Variants in PPP2R2C observed in about 807,000 individuals in gnomAD.
PPP2R2C encodes protein phosphatase 2, regulatory subunit B, gamma.
A neutral mutation model predicts 45.3 loss-of-function variants in PPP2R2C; 10 were observed. The ratio of observed to expected loss-of-function variants is 0.22; its 90% confidence interval spans 0.14 to 0.37. PPP2R2C has a LOEUF of 0.37. Ranked by LOEUF, PPP2R2C falls within the 10% of genes least tolerant of loss-of-function variation. The pLI, the probability that PPP2R2C is intolerant of heterozygous loss-of-function variation, is 1.00. For missense variants in PPP2R2C, 308 were observed against 619.7 expected (o/e 0.50, Z 5.34); for synonymous variants, 257 against 245.4 (o/e 1.05, Z -0.44).
At chr4:6,414,855 G>A (rs1401777257) in intron 1 of PPP2R2C, among the ~76,000 whole-genome samples, 2 of 152,188 alleles carry the variant, frequency 1.3e-5, no homozygotes, top group African/African-American at 2.4e-5. Context: ...AAGCCCGGAT[G>A]AAAAGCCTTC....
chr4:6,350,877 G>A (rs1712488520), intron 5 of PPP2R2C: 1 of 985,422 alleles, frequency 1.0e-6, no homozygotes, highest in Non-Finnish European at 1.2e-6. Flanking sequence ...AGTGGGAGGT[G>A]TGAAGTGGGT....
chr4:6,529,049 A>G (rs1002433655), intron 2 of PPP2R2C, among the ~76,000 whole-genome samples: 1 of 152,206 alleles, frequency 6.6e-6, no homozygotes, highest in Admixed American at 6.5e-5. Context: ...CCAGGTTCAG[A>G]GCAGCCCAGA....
At chr4:6,423,625 T>A (rs1301791795) in intron 1 of PPP2R2C, among the ~76,000 whole-genome samples, 1 of 152,188 alleles carries the variant, frequency 6.6e-6, no homozygotes, top group Non-Finnish European at 1.5e-5. Flanking sequence ...TCATTAACTG[T>A]AATACAGTAC....
chr4:6,342,879 T>C (rs1733563579), intron 6 of PPP2R2C, among the ~76,000 whole-genome samples: 1 of 152,064 alleles, frequency 6.6e-6, no homozygotes, highest in South Asian at 2.1e-4. Context: ...TCTCGGACCC[T>C]CGGTCTCCTC....
intron 1 of PPP2R2C, among the ~76,000 whole-genome samples, chr4:6,466,993 C>T (rs1721633914): frequency 6.6e-6 from 1 of 152,070 alleles, no homozygotes; most frequent in African/African-American, 2.4e-5. Context: ...TCCACATGCC[C>T]TTGGCTCCTT....
At chr4:6,394,340 AAGAC>A (rs1396596372) in intron 1 of PPP2R2C, among the ~76,000 whole-genome samples, 1 of 152,266 alleles carries the variant, frequency 6.6e-6, no homozygotes, top group African/African-American at 2.4e-5. Flanking sequence ...CGAGGCAACA[AAGAC>A]AGAAGTGTCT....
intron 1 of PPP2R2C, among the ~76,000 whole-genome samples, chr4:6,391,357 G>A (rs1024568518): frequency 5.3e-5 from 8 of 152,132 alleles, no homozygotes; most frequent in African/African-American, 1.9e-4. Context: ...AGGAGGCTGG[G>A]ACGAGCCATG....
intron 1 of PPP2R2C, among the ~76,000 whole-genome samples, chr4:6,434,461 C>T (rs1183445945): frequency 2.7e-5 from 4 of 146,336 alleles, no homozygotes; most frequent in African/African-American, 7.6e-5. Context: ...TGGGTTCAAG[C>T]GATTCTCGTG....
At chr4:6,506,207 G>A (rs28689807) in intron 2 of PPP2R2C, among the ~76,000 whole-genome samples, 4,051 of 152,162 alleles carry the variant, frequency 0.027, 172 homozygotes, top group African/African-American at 0.093. Flanking sequence ...ATTGAAAGAG[G>A]AGCAAGGGAT....
At chr4:6,521,283 TG>T (rs1724015888) in intron 2 of PPP2R2C, among the ~76,000 whole-genome samples, 1 of 152,212 alleles carries the variant, frequency 6.6e-6, no homozygotes, top group Admixed American at 6.5e-5. Context: ...GCCACTTGTA[TG>T]TTGTGTTCAG....
Position 6,347,837 on chromosome 4 carries a change from G to T in PPP2R2C, c.790+9C>A. The T allele has an allele frequency of 8.2e-7, 1 of 1,218,824 alleles. No homozygotes were observed. Among genetic ancestry groups the T allele is most frequent in the Non-Finnish European group, 1.1e-6 (1 of 922,172 alleles). 75.5% of individuals were successfully genotyped at this position (1,218,824 alleles called of 1,614,324 possible). A position where few individuals can be genotyped will look rare whatever the true frequency, so the allele number is the denominator to read the frequency against. On this transcript the variant is annotated intron_variant, in intron 6 of 8. Transcript: ENST00000382599. ...GCACAGCCCCCCACCCCCAGGCACC[G>T]GCACTTACGCTTGGAATGCTTGTCA...
intron 3 of PPP2R2C, 51 bp from the exon 4 acceptor site, chr4:6,375,982 G>A: frequency 6.7e-7 from 1 of 1,486,120 alleles, no homozygotes; most frequent in Non-Finnish European, 9.4e-7. Context: ...GCAGCCGGAT[G>A]GAAGAGAAGA....
chr4:6,485,524 A>C (rs1289253981), intron 2 of PPP2R2C, among the ~76,000 whole-genome samples: 5 of 151,906 alleles, frequency 3.3e-5, no homozygotes, highest in Non-Finnish European at 7.4e-5. Flanking sequence ...GAAAGGTTTT[A>C]AATTGTAAAT....
chr4:6,380,895 A>C (rs1182077660), intron 2 of PPP2R2C, 102 bp downstream of exon 2: 8 of 1,423,704 alleles, frequency 5.6e-6, no homozygotes, highest in Non-Finnish European at 7.4e-6. Flanking sequence ...TCACCGCATC[A>C]CCCCTTATCC....
intron 2 of PPP2R2C, among the ~76,000 whole-genome samples, chr4:6,521,513 C>T (rs943672497): frequency 1.2e-4 from 19 of 152,208 alleles, no homozygotes; most frequent in Admixed American, 2.6e-4. Flanking sequence ...TGGCTTCCTC[C>T]CAGTGCTCCA....
intron 2 of PPP2R2C, among the ~76,000 whole-genome samples, chr4:6,500,043 T>A (rs150933221): frequency 6.6e-6 from 1 of 152,356 alleles, no homozygotes; most frequent in East Asian, 1.9e-4. Flanking sequence ...AACTTCTGGC[T>A]TTTTTCACCA....
chr4:6,346,186 G>A (rs779250662), intron 6 of PPP2R2C, among the ~76,000 whole-genome samples: 2 of 152,264 alleles, frequency 1.3e-5, no homozygotes, highest in African/African-American at 4.8e-5. Context: ...GACCTCTGAC[G>A]CCTGCTCCCC....
chr4:6,337,110 G>GTATATATATATATA (rs1207923428), intron 6 of PPP2R2C, among the ~76,000 whole-genome samples: 6 of 41,502 alleles, frequency 1.4e-4, no homozygotes, highest in Admixed American at 3.6e-4. Context: ...GTATGTGTGT[G>GTATATATATATATA]TGTATATATA....
chr4:6,404,732 C>T (rs975788649), intron 1 of PPP2R2C, among the ~76,000 whole-genome samples: 1 of 152,200 alleles, frequency 6.6e-6, no homozygotes, highest in Non-Finnish European at 1.5e-5. Flanking sequence ...AAGCAGGGGT[C>T]TGCACCAAGC....
Sources: gnomAD v4.1 joint callset for allele counts (sites outside exome capture counted in the v4.1 genomes callset) on GRCh38, gnomAD v4.1.1 for gene constraint, MANE v1.5 for transcripts, NCBI Gene and HGNC (gene_info 2026-07-23, HGNC 2026-07-21) for gene names.